KLHL2: variants seen among roughly 807,000 people sequenced by gnomAD.
The protein encoded by KLHL2 is kelch-like protein 2.
KLHL2 carries 15 observed loss-of-function variants against 75.8 expected under a neutral mutation model. That is an observed-to-expected ratio of 0.20 (90% CI 0.13 to 0.30). The LOEUF is 0.30. KLHL2 is among the 10% of genes least tolerant of loss of function. The probability of loss-of-function intolerance (pLI) is 1.00; values close to 1 mark genes in which losing one functional copy is unlikely to be tolerated. For synonymous variants in KLHL2, 214 were observed against 251.9 expected, an observed-to-expected ratio of 0.85 and a Z score of 1.42; for missense variants, 381 against 741.0, an observed-to-expected ratio of 0.51 and a Z score of 5.64.
At chr4:165,220,637 A>T (rs1737909151) in intron 2 of KLHL2, among the ~76,000 whole-genome samples, 1 of 152,190 alleles carries the variant, frequency 6.6e-6, no homozygotes, top group Admixed American at 6.5e-5. Flanking sequence ...TTTTAATGTG[A>T]TTACTATAAA....
intron 5 of KLHL2, among the ~76,000 whole-genome samples, chr4:165,268,900 A>G (rs1224792879): frequency 1.3e-5 from 2 of 152,110 alleles, no homozygotes; most frequent in East Asian, 1.9e-4. Flanking sequence ...TGATCTGTCT[A>G]ATATTGACAG....
intron 4 of KLHL2, 39 bp downstream of exon 4, chr4:165,238,938 A>T: frequency 1.3e-6 from 2 of 1,570,566 alleles, no homozygotes; most frequent in Non-Finnish European, 1.7e-6. Context: ...CTTTTTATGC[A>T]TACAGTTTTT....
At chr4:165,254,954 C>T (rs1250009874) in intron 4 of KLHL2, among the ~76,000 whole-genome samples, 2 of 152,162 alleles carry the variant, frequency 1.3e-5, no homozygotes, top group African/African-American at 4.8e-5. Flanking sequence ...AGAAAAAAAG[C>T]GCTGAGTCAG....
At chr4:165,268,456 G>A (rs1272336149) in intron 5 of KLHL2, among the ~76,000 whole-genome samples, 2 of 152,092 alleles carry the variant, frequency 1.3e-5, no homozygotes, top group Non-Finnish European at 2.9e-5. Context: ...ATTTAGCACT[G>A]TAAATTTCCC....
chr4:165,243,785 G>A (rs1740009352), intron 4 of KLHL2, among the ~76,000 whole-genome samples: 1 of 152,188 alleles, frequency 6.6e-6, no homozygotes, highest in Admixed American at 6.5e-5. Flanking sequence ...CCGGAAGGAG[G>A]ACATCACATG....
At chr4:165,288,016 G>T (rs951523360) in intron 5 of KLHL2, among the ~76,000 whole-genome samples, 1 of 152,048 alleles carries the variant, frequency 6.6e-6, no homozygotes, top group Admixed American at 6.6e-5. Flanking sequence ...TAACTTTGAT[G>T]TAGTCCCATT....
intron 13 of KLHL2, among the ~76,000 whole-genome samples, chr4:165,314,956 C>T (rs1560833650): frequency 1.3e-5 from 2 of 152,118 alleles, no homozygotes; most frequent in Non-Finnish European, 2.9e-5. Flanking sequence ...CTTAGTTTCT[C>T]TTTAAAGAAG....
At chr4:165,291,949 C>T (rs1046048092) in intron 5 of KLHL2, among the ~76,000 whole-genome samples, 3 of 152,122 alleles carry the variant, frequency 2.0e-5, no homozygotes, top group Non-Finnish European at 2.9e-5. Context: ...CCTGCCTCAG[C>T]CTCTCAACAT....
In KLHL2 at chr4:165,281,775, A is replaced by T. The variant is rs1743709953; in HGVS notation, c.545-12584A>T. ...AGAAGGAATGGAATGTATATTCCAC[A>T]TACATATATGGAAGGATTCATATGT... On this transcript the variant is annotated intron_variant, in intron 5 of 14. Transcript: ENST00000226725. Among the ~76,000 whole-genome samples the T allele has an allele frequency of 2.0e-5, 3 of 152,250 alleles. 1 individual carries two copies. In the South Asian group the frequency reaches 6.2e-4, roughly 31 times the overall value.
intron 5 of KLHL2, among the ~76,000 whole-genome samples, chr4:165,289,509 GTTTTTTTTTTT>G (rs1194080743): frequency 1.8e-5 from 2 of 112,952 alleles, no homozygotes; most frequent in South Asian, 2.9e-4. Flanking sequence ...TTTTGGTTTG[GTTTTTTTTTTT>G]TTTTTTTTTT....
In KLHL2 at chr4:165,310,769, A is replaced by T. The variant is rs758585475; in HGVS notation, c.1237+19A>T. On this transcript the variant is annotated intron_variant, in intron 10 of 14. Transcript: ENST00000226725. ...AGTACAGGTAATTTCCTTTTCATTT[A>T]TTCTACATTGCTGCTAAAATTAACG... 1.5e-5 allele frequency: 24 copies of T among 1,570,320 alleles called. No homozygotes were observed. The highest frequency in any genetic ancestry group is 2.1e-5 in the Non-Finnish European group (24 of 1,141,822).
At chr4:165,301,552 T>C (rs1461074962) in intron 8 of KLHL2, among the ~76,000 whole-genome samples, 1 of 152,230 alleles carries the variant, frequency 6.6e-6, no homozygotes, top group Non-Finnish European at 1.5e-5. Context: ...CCCTTACACC[T>C]GCTTTTATAA....
rs182369799 is a variant in KLHL2, at chr4:165,302,269, C to A, written c.921+2613C>A. On this transcript the variant is annotated intron_variant, in intron 8 of 14. Transcript: ENST00000226725. The stretch of plus-strand genomic sequence containing the variant: ...GCTGGTGATGAACAATTTTCCAACA[C>A]CACCATTTGTCATTTTAGAGTTGTT... Among the ~76,000 whole-genome samples, 283 of 152,240 alleles carry A rather than the reference C, an allele frequency of 1.9e-3. 4 individuals are homozygous for A. The highest frequency in any genetic ancestry group is 0.014 in the Middle Eastern group (4 of 292).
chr4:165,209,210 C>A (rs1442711173), intron 1 of KLHL2, among the ~76,000 whole-genome samples: 2 of 152,150 alleles, frequency 1.3e-5, no homozygotes, highest in Non-Finnish European at 2.9e-5. Context: ...TGGAGGAAGG[C>A]ACCTGAACCC....
At chr4:165,255,253 A>G (rs1459449938) in intron 4 of KLHL2, among the ~76,000 whole-genome samples, 1 of 152,192 alleles carries the variant, frequency 6.6e-6, no homozygotes, top group Non-Finnish European at 1.5e-5. Context: ...AACATTGGAA[A>G]TGCCACCAAT....
At chr4:165,310,429 A>T in intron 9 of KLHL2, 124 bp from the exon 10 acceptor site, 1 of 769,056 alleles carries the variant, frequency 1.3e-6, no homozygotes, top group Non-Finnish European at 2.3e-6. Context: ...GGATTTATTT[A>T]ATCAGGCTCC....
In KLHL2 at chr4:165,279,172, G is replaced by A. The variant is rs1253102084; in HGVS notation, c.545-15187G>A. Reference sequence around the variant, plus strand: ...CCTTTTGAACTTTTCTCACATTGTCGAGGAGCCAGCGAAGTTTCACTGCAC... The same window carrying A: ...CCTTTTGAACTTTTCTCACATTGTCAAGGAGCCAGCGAAGTTTCACTGCAC... On this transcript the variant is annotated intron_variant, in intron 5 of 14. Transcript: ENST00000226725. The A allele has an allele frequency of 5.6e-6, 9 of 1,595,882 alleles. No homozygotes were observed. In the Admixed American group the frequency reaches 6.7e-5, roughly 12 times the overall value.
intron 3 of KLHL2, among the ~76,000 whole-genome samples, chr4:165,230,666 T>G (rs1189862938): frequency 6.6e-6 from 1 of 151,964 alleles, no homozygotes; most frequent in East Asian, 1.9e-4. Context: ...TTCTTTCCCC[T>G]CAAATGGCTT....
At position 165,213,243 on chromosome 4, in the gene KLHL2, A is replaced by G. The variant is rs1049941335; in HGVS notation, c.26+5341A>G. The stretch of plus-strand genomic sequence containing the variant: ...ACCTGAACTTTTTCACTGGTCTTCT[A>G]TTGAGCTCTGTGTATTCTCTCCTCA... On this transcript the variant is annotated intron_variant, in intron 1 of 14. Transcript: ENST00000226725. Among the ~76,000 whole-genome samples the G allele has an allele frequency of 1.5e-4, 23 of 152,276 alleles. 1 individual carries two copies. Among genetic ancestry groups the G allele is most frequent in the South Asian group, 4.2e-4 (2 of 4,818 alleles).
Sources: gnomAD v4.1 joint callset for allele counts (sites outside exome capture counted in the v4.1 genomes callset) on GRCh38, gnomAD v4.1.1 for gene constraint, MANE v1.5 for transcripts, NCBI Gene and HGNC (gene_info 2026-07-23, HGNC 2026-07-21) for gene names.